The following NEXMIF variants were observed in gnomAD, a reference collection of about 807,000 sequenced individuals.
The protein encoded by NEXMIF is neurite extension and migration factor, also known as XLMR protein related to neurite extension.
Under a neutral mutation model 62.1 loss-of-function variants are expected in NEXMIF, and 8 were observed. The ratio of observed to expected loss-of-function variants is 0.13; its 90% CI spans 0.08 to 0.23. The LOEUF (loss-of-function observed/expected upper bound fraction) is 0.23, where lower values mean the gene tolerates loss of function less well. Ranked by LOEUF, NEXMIF falls within the 10% of genes least tolerant of loss-of-function variation. The probability of loss-of-function intolerance (pLI) is 1.00; values close to 1 mark genes in which losing one functional copy is unlikely to be tolerated. For synonymous variants in NEXMIF, 404 were observed against 416.6 expected (o/e 0.97, Z 0.37); for missense variants, 976 against 1,113.3 (o/e 0.88, Z 1.75).
intron 1 of NEXMIF, among the ~76,000 whole-genome samples, chrX:74,817,038 C>A (rs1292598200): frequency 1.8e-5 from 2 of 111,866 alleles, no homozygotes; most frequent in Non-Finnish European, 3.8e-5. Flanking sequence ...CCTATTTTGT[C>A]TTCGTTTGCA....
chrX:74,743,139 G>A lies in NEXMIF; in HGVS notation c.1418C>T (p.Ser473Phe), dbSNP rs1305966854. The A allele has an allele frequency of 1.1e-5, 13 of 1,210,911 alleles. No homozygotes were observed. Among genetic ancestry groups the A allele is most frequent in the Non-Finnish European group, 1.1e-5 (10 of 895,324 alleles). The stretch of plus-strand genomic sequence containing the variant: ...TCGCAGCCCATAGTTCTGTTGGGAG[G>A]AGGAGCTGCCAGAATTAGTGTCCCG... ...MARDTNSGSS[S>F]SQQNYGLRAK... Residue 473 changes from serine to phenylalanine, a missense_variant, in exon 3 of 4, where the codon TCC becomes TTC. Around this residue, in one of 5 missense-constraint regions of NEXMIF, gnomAD observed 639 missense variants for 694.5 expected, o/e 0.92. Coordinates refer to ENST00000055682, the MANE Select transcript of NEXMIF (RefSeq NM_001008537.3).
At chrX:74,858,476 C>A (rs2080543601) in intron 1 of NEXMIF, among the ~76,000 whole-genome samples, 1 of 112,262 alleles carries the variant, frequency 8.9e-6, no homozygotes, top group Non-Finnish European at 1.9e-5. Flanking sequence ...GTTTGGGGAG[C>A]CCCCTGATGC....
intron 1 of NEXMIF, among the ~76,000 whole-genome samples, chrX:74,835,990 G>A (rs1331653297): frequency 8.9e-6 from 1 of 112,571 alleles, no homozygotes; most frequent in African/African-American, 3.2e-5. Flanking sequence ...CTAAAACCAT[G>A]ACATGCAGTC....
chrX:74,823,483 TA>T (rs2080404166), intron 1 of NEXMIF, among the ~76,000 whole-genome samples: 1 of 111,961 alleles, frequency 8.9e-6, no homozygotes, highest in African/African-American at 3.2e-5. Context: ...ATCTGAATGC[TA>T]AACACAATTT....
chrX:74,882,951 C>A (rs946884455), intron 1 of NEXMIF, among the ~76,000 whole-genome samples: 1 of 111,208 alleles, frequency 9.0e-6, no homozygotes, highest in African/African-American at 3.3e-5. Flanking sequence ...GACAAAACTT[C>A]CAGAGGAATG....
rs1025025701 is a variant in NEXMIF, at chrX:74,733,465, A to G, written c.*5940T>C. 8.9e-6 allele frequency: 1 copy of G among 112,145 alleles called. No individual in the cohort carries two copies. The highest frequency in any genetic ancestry group is 9.5e-5 in the Admixed American group (1 of 10,498). The allele number at this position is 112,145 out of a possible 1,213,427, so 9.2% of individuals were successfully genotyped here. ...TTGCAAAAACTATTGGTCCCTCACC[A>G]CAGATAGTTTGAGAAACACTGCTCT... On this transcript the variant is annotated 3_prime_UTR_variant, in exon 4 of 4. Coordinates refer to ENST00000055682, the MANE Select transcript of NEXMIF (RefSeq NM_001008537.3).
At chrX:74,874,802 G>T (rs1279379615) in intron 1 of NEXMIF, among the ~76,000 whole-genome samples, 72 of 96,300 alleles carry the variant, frequency 7.5e-4, no homozygotes, top group African/African-American at 2.5e-3. Context: ...TTTGTCTGTT[G>T]TTGGTGTATA....
chrX:74,786,660 G>A (rs1300046395), intron 1 of NEXMIF, among the ~76,000 whole-genome samples: 1 of 111,682 alleles, frequency 9.0e-6, no homozygotes, highest in East Asian at 2.8e-4. Context: ...CTAGCCAAAT[G>A]AGCACATGAC....
intron 1 of NEXMIF, among the ~76,000 whole-genome samples, chrX:74,807,619 C>A (rs1184892553): frequency 9.0e-6 from 1 of 111,680 alleles, no homozygotes; most frequent in Non-Finnish European, 1.9e-5. Flanking sequence ...CGTGCCACCA[C>A]ACCCAGCTAA....
intron 1 of NEXMIF, among the ~76,000 whole-genome samples, chrX:74,816,663 C>A (rs2080377008): frequency 9.0e-6 from 1 of 111,640 alleles, no homozygotes; most frequent in Admixed American, 9.5e-5. Flanking sequence ...AAGTGCATCC[C>A]CTTCACATGG....
chrX:74,871,501 C>T (rs1032009450), intron 1 of NEXMIF, among the ~76,000 whole-genome samples: 1 of 111,225 alleles, frequency 9.0e-6, no homozygotes, highest in Non-Finnish European at 1.9e-5. Flanking sequence ...TAGAATTTAC[C>T]AGGCTGGAAT....
chrX:74,873,919 A>C (rs1005446371), intron 1 of NEXMIF, among the ~76,000 whole-genome samples: 1 of 111,032 alleles, frequency 9.0e-6, no homozygotes, highest in Non-Finnish European at 1.9e-5. Flanking sequence ...TAGGTTGCAA[A>C]AATTTTCTCC....
chrX:74,900,003 C>T (rs1283281264), intron 1 of NEXMIF, among the ~76,000 whole-genome samples: 1 of 111,460 alleles, frequency 9.0e-6, no homozygotes, highest in African/African-American at 3.3e-5. Flanking sequence ...AAAAACCTAA[C>T]ACCCTAAGTT....
At chrX:74,888,399 G>A (rs1468789931) in intron 1 of NEXMIF, among the ~76,000 whole-genome samples, 1 of 109,982 alleles carries the variant, frequency 9.1e-6, no homozygotes, top group Non-Finnish European at 1.9e-5. Context: ...GCAGGGACAT[G>A]GATGAAGCTG....
chrX:74,752,333 G>A (rs779363920), intron 1 of NEXMIF, among the ~76,000 whole-genome samples: 48 of 110,579 alleles, frequency 4.3e-4, no homozygotes, highest in Non-Finnish European at 1.3e-4. Context: ...ACAGGGCTCC[G>A]TATGTATCAC....
At position 74,775,417 on chromosome X, in the gene NEXMIF, G is replaced by A. The variant is rs563494733; in HGVS notation, c.-47-29720C>T. Among the ~76,000 whole-genome samples the A allele has an allele frequency of 4.4e-4, 49 of 111,853 alleles. No homozygotes were observed. The South Asian group carries it at 0.015, about 35-fold the overall frequency. ...AAGACAGAGCCGTAAATATGATCAA[G>A]TAATTAAAGATCCAGAACCCCTATG... is the stretch of plus-strand genomic sequence containing the variant. On this transcript the variant is annotated intron_variant, in intron 1 of 3. Coordinates refer to ENST00000055682, the MANE Select transcript of NEXMIF (RefSeq NM_001008537.3).
At chrX:74,920,567 T>G (rs897443799) in intron 1 of NEXMIF, among the ~76,000 whole-genome samples, 2 of 111,389 alleles carry the variant, frequency 1.8e-5, no homozygotes, top group African/African-American at 3.3e-5. Context: ...TTTCTCCCAT[T>G]TTGTAGGTTG....
Position 74,851,022 on chromosome X carries a change from A to T in NEXMIF, c.-48+73861T>A, listed in dbSNP as rs577204059. 1.9e-4 allele frequency among the ~76,000 whole-genome samples: 21 copies of T among 110,204 alleles called. No individual in the cohort carries two copies. In the South Asian group the frequency reaches 7.1e-3, roughly 37 times the overall value. On this transcript the variant is annotated intron_variant, in intron 1 of 3. Transcript: ENST00000055682. Reference sequence around the variant, plus strand: ...AGAAATTTATCAAAGAGATATTATTAAAAAAAGAAACAAACAGAAATCCTG... The same window carrying T: ...AGAAATTTATCAAAGAGATATTATTTAAAAAAGAAACAAACAGAAATCCTG...
At position 74,740,942 on chromosome X, in the gene NEXMIF, G is replaced by T; in HGVS notation, c.3615C>A (p.Asn1205Lys). Reference protein sequence around the residue: ...NTRKKSLKGNNKGIEKPPGKN... With the variant: ...NTRKKSLKGNKKGIEKPPGKN... ...TGCCAGGTGGTTTTTCAATCCCCTT[G>T]TTGTTACCTTTGAGGGATTTTTTCC... The change falls in exon 3 of 4, where the codon AAC (asparagine) becomes AAA (lysine). Residue 1205 changes from asparagine to lysine, a missense_variant. By Grantham distance (94) the Asn-to-Lys change is moderately conservative (BLOSUM62 0). Around this residue, in one of 5 missense-constraint regions of NEXMIF, gnomAD observed 639 missense variants for 694.5 expected, o/e 0.92. Transcript: ENST00000055682. 1.7e-6 allele frequency: 2 copies of T among 1,211,817 alleles called. No homozygotes were observed. The highest frequency in any genetic ancestry group is 1.1e-6 in the Non-Finnish European group (1 of 895,461).
Sources: allele counts gnomAD v4.1 joint callset (sites outside exome capture counted in the v4.1 genomes callset), GRCh38; gene constraint gnomAD v4.1.1; regional missense constraint gnomAD v4.1.1; transcripts MANE v1.5; gene names NCBI Gene and HGNC (gene_info 2026-07-23, HGNC 2026-07-21).